The following STXBP5L variants were observed in gnomAD, a reference collection of about 807,000 sequenced individuals.
STXBP5L encodes syntaxin-binding protein 5-like.
Under a neutral mutation model 144.5 loss-of-function variants are expected in STXBP5L, and 65 were observed. That is an observed-to-expected ratio of 0.45 (90% CI 0.37 to 0.55). The LOEUF is 0.55. Ranked by LOEUF, STXBP5L falls within the 20% of genes least tolerant of loss-of-function variation. STXBP5L has a pLI of 0.00. For synonymous variants in STXBP5L, 505 were observed against 469.6 expected, an observed-to-expected ratio of 1.08 and a Z score of -0.97; for missense variants, 1,298 against 1,405.5, an observed-to-expected ratio of 0.92 and a Z score of 1.22.
chr3:120,923,857 G>A (rs1409724610), intron 2 of STXBP5L, among the ~76,000 whole-genome samples: 2 of 152,012 alleles, frequency 1.3e-5, no homozygotes, highest in Non-Finnish European at 2.9e-5. Flanking sequence ...GGCCTATTTG[G>A]TCTAGTGTGT....
chr3:121,158,056 T>G (rs933382819), intron 9 of STXBP5L: 1 of 153,728 alleles, frequency 6.5e-6, no homozygotes, highest in African/African-American at 2.4e-5. Context: ...TTTCTGCCAT[T>G]TGATTCCAGT....
intron 6 of STXBP5L, among the ~76,000 whole-genome samples, chr3:121,117,410 T>C (rs1032960165): frequency 1.3e-5 from 2 of 151,866 alleles, no homozygotes; most frequent in Admixed American, 1.3e-4. Context: ...ATATGTTCCA[T>C]AGAATTCTAA....
intron 3 of STXBP5L, among the ~76,000 whole-genome samples, chr3:121,003,117 C>T (rs372115097): frequency 3.7e-4 from 56 of 152,158 alleles, no homozygotes; most frequent in East Asian, 3.5e-3. Context: ...TCTAGATCCC[C>T]GAGGAATTGC....
chr3:121,292,101 G>A (rs866309977), intron 19 of STXBP5L, among the ~76,000 whole-genome samples: 1 of 152,062 alleles, frequency 6.6e-6, no homozygotes, highest in East Asian at 1.9e-4. Context: ...TAAATAATCA[G>A]TAAACAGACA....
chr3:121,110,447 G>T (rs952293808), intron 5 of STXBP5L, among the ~76,000 whole-genome samples: 1 of 152,136 alleles, frequency 6.6e-6, no homozygotes, highest in African/African-American at 2.4e-5. Flanking sequence ...CTCAGCATTT[G>T]CTTGTCTGAA....
chr3:121,226,794 C>T lies in STXBP5L; in HGVS notation c.1111+3637C>T, dbSNP rs114385354. Among the ~76,000 whole-genome samples, 636 of 152,296 alleles carry T rather than the reference C, an allele frequency of 4.2e-3. 2 individuals are homozygous for T. Among genetic ancestry groups the T allele is most frequent in the African/African-American group, 0.014 (597 of 41,562 alleles). On this transcript the variant is annotated intron_variant, in intron 11 of 26. Coordinates refer to ENST00000471454, the MANE Select transcript of STXBP5L (RefSeq NM_001308330.2). ...TTAGAAGCATAACTTTTCCTCTCCACATTGATCATATAAGAAATCTCAGCT... is the reference window on the plus strand; with the variant it reads ...TTAGAAGCATAACTTTTCCTCTCCATATTGATCATATAAGAAATCTCAGCT...
chr3:121,011,334 A>G (rs1175177180), intron 3 of STXBP5L, among the ~76,000 whole-genome samples: 1 of 151,310 alleles, frequency 6.6e-6, no homozygotes, highest in Non-Finnish European at 1.5e-5. Context: ...ATTTCTCAGT[A>G]TGGTCTCCTG....
intron 23 of STXBP5L, among the ~76,000 whole-genome samples, chr3:121,408,107 TAC>T (rs1258955272): frequency 3.3e-5 from 5 of 152,008 alleles, no homozygotes; most frequent in Admixed American, 6.6e-5. Context: ...TTAATAAAGT[TAC>T]ACAGTTTGCC....
intron 18 of STXBP5L, among the ~76,000 whole-genome samples, chr3:121,272,787 C>T (rs2050768369): frequency 6.6e-6 from 1 of 151,974 alleles, no homozygotes; most frequent in African/African-American, 2.4e-5. Flanking sequence ...TACTATGTTT[C>T]TGTTTTACAA....
At chr3:121,032,100 G>T (rs138650674) in intron 3 of STXBP5L, among the ~76,000 whole-genome samples, 136 of 152,110 alleles carry the variant, frequency 8.9e-4, no homozygotes, top group Non-Finnish European at 1.5e-3. Context: ...AAAGATTTTG[G>T]AATCATAAAC....
rs2046250064 is a variant in STXBP5L, at chr3:121,378,594, T to C, written c.2177-122T>C. On this transcript the variant is annotated intron_variant, in intron 20 of 26. Transcript: ENST00000471454. Reference sequence around the variant, plus strand: ...TTAAAAGAACAAGGACTTAACTATATTCATGTGGTTTAGAAAATAAAGGAA... The same window carrying C: ...TTAAAAGAACAAGGACTTAACTATACTCATGTGGTTTAGAAAATAAAGGAA... 3.4e-6 allele frequency: 4 copies of C among 1,160,402 alleles called. 1 individual carries two copies. The highest frequency in any genetic ancestry group is 5.6e-4 in the Middle Eastern group (2 of 3,544). The allele number at this position is 1,160,402 out of a possible 1,614,324, so 71.9% of individuals were successfully genotyped here.
In STXBP5L at chr3:121,131,191, G is replaced by A. The variant is rs186266921; in HGVS notation, c.669+9487G>A. ...AACAAACTTACACAGAATAATACAC[G>A]AAACAAGAGGAAATCATACTAAAAC... On this transcript the variant is annotated intron_variant, in intron 7 of 26. Transcript: ENST00000471454. Among the ~76,000 whole-genome samples the A allele has an allele frequency of 3.3e-5, 5 of 152,106 alleles. No individual in the cohort carries two copies. The East Asian group carries it at 7.7e-4, about 24-fold the overall frequency.
intron 2 of STXBP5L, among the ~76,000 whole-genome samples, chr3:120,933,137 G>C (rs973092507): frequency 2.6e-5 from 4 of 151,884 alleles, no homozygotes; most frequent in African/African-American, 9.7e-5. Flanking sequence ...CATGGCACAT[G>C]TATACATATA....
intron 19 of STXBP5L, 138 bp downstream of exon 19, chr3:121,280,094 G>A (rs1162539461): frequency 2.7e-6 from 3 of 1,092,730 alleles, no homozygotes; most frequent in Admixed American, 3.0e-5. Context: ...AATCATGTAA[G>A]TAAAATAAAT....
At chr3:121,092,935 A>G (rs2107741983) in intron 5 of STXBP5L, among the ~76,000 whole-genome samples, 1 of 152,288 alleles carries the variant, frequency 6.6e-6, no homozygotes, top group East Asian at 1.9e-4. Flanking sequence ...TATTGTTTTG[A>G]GATATGTCCC....
At chr3:121,328,005 G>A (rs1263037485) in intron 20 of STXBP5L, among the ~76,000 whole-genome samples, 1 of 152,122 alleles carries the variant, frequency 6.6e-6, no homozygotes, top group East Asian at 1.9e-4. Flanking sequence ...GTGACTTAAG[G>A]AGATTTTTAG....
chr3:121,160,915 C>A (rs937485429), intron 9 of STXBP5L, among the ~76,000 whole-genome samples: 1 of 152,072 alleles, frequency 6.6e-6, no homozygotes, highest in Non-Finnish European at 1.5e-5. Context: ...CTATTCAAAG[C>A]CTATTAGAGC....
Position 121,289,992 on chromosome 3 carries a change from T to A in STXBP5L, c.2110+10036T>A, listed in dbSNP as rs138779367. On this transcript the variant is annotated intron_variant, in intron 19 of 26. Coordinates refer to ENST00000471454, the MANE Select transcript of STXBP5L (RefSeq NM_001308330.2). Reference sequence around the variant, plus strand: ...CAAATAGACAATCTAAGGTCACACCTCAAGGAACCAGAGAAACAAGAGCAA... The same window carrying A: ...CAAATAGACAATCTAAGGTCACACCACAAGGAACCAGAGAAACAAGAGCAA... 6.6e-5 allele frequency among the ~76,000 whole-genome samples: 10 copies of A among 151,658 alleles called. No individual in the cohort carries two copies. In the East Asian group the frequency reaches 1.9e-3, roughly 29 times the overall value.
chr3:121,204,556 G>A lies in STXBP5L; in HGVS notation c.878-1367G>A, dbSNP rs558658335. On this transcript the variant is annotated intron_variant, in intron 9 of 26. Transcript: ENST00000471454. The stretch of plus-strand genomic sequence containing the variant: ...TATTTGGATATGCTTATGTTATTCT[G>A]AAGCTAATCTGAAAATTTAAAGCTA... 2.5e-4 allele frequency among the ~76,000 whole-genome samples: 38 copies of A among 152,028 alleles called. No individual in the cohort carries two copies. In the South Asian group the frequency reaches 6.3e-3, roughly 25 times the overall value.
Sources: allele counts gnomAD v4.1 joint callset (sites outside exome capture counted in the v4.1 genomes callset), GRCh38; gene constraint gnomAD v4.1.1; transcripts MANE v1.5; gene names NCBI Gene and HGNC (gene_info 2026-07-23, HGNC 2026-07-21).